The following ABLIM2 variants were observed in gnomAD, a reference collection of about 807,000 sequenced individuals.
The protein encoded by ABLIM2 is actin binding LIM protein family member 2, also known as actin-binding LIM protein 2.
Under a neutral mutation model 97.7 loss-of-function variants are expected in ABLIM2, and 53 were observed. The ratio of observed to expected loss-of-function variants is 0.54; its 90% CI spans 0.44 to 0.68. ABLIM2 has a LOEUF of 0.68. Ranked by LOEUF, ABLIM2 falls within the 30% of genes least tolerant of loss-of-function variation. The pLI is 0.00. For synonymous variants in ABLIM2, 361 were observed against 345.8 expected, an observed-to-expected ratio of 1.04 and a Z score of -0.49; for missense variants, 835 against 867.2, an observed-to-expected ratio of 0.96 and a Z score of 0.47.
At chr4:8,007,865 A>T in intron 16 of ABLIM2, 194 bp downstream of exon 16, 1 of 1,385,556 alleles carries the variant, frequency 7.2e-7, no homozygotes, top group Non-Finnish European at 9.3e-7. Context: ...TGGCTCGGGG[A>T]CAGTTCTTGG....
At chr4:8,105,502 G>A (rs1836899641) in intron 2 of ABLIM2, among the ~76,000 whole-genome samples, 1 of 152,224 alleles carries the variant, frequency 6.6e-6, no homozygotes, top group African/African-American at 2.4e-5. Context: ...GCCGTGCAAC[G>A]CCTGATGAAA....
Position 8,046,008 on chromosome 4 carries a change from C to A in ABLIM2, c.823-767G>T, listed in dbSNP as rs994515371. Among the ~76,000 whole-genome samples, 1 of 152,186 alleles carries A rather than the reference C, an allele frequency of 6.6e-6. No homozygotes were observed. The highest frequency in any genetic ancestry group is 1.5e-5 in the Non-Finnish European group (1 of 68,026). On this transcript the variant is annotated intron_variant, in intron 8 of 20. Transcript: ENST00000447017. The surrounding 1 kb of genome is among the most constrained non-coding windows in gnomAD (Gnocchi z 4.4). ...CAAGCCTTTCTCAGCTCAAAGAGCA[C>A]CTGCTCCCACCTGACACACAACTTA...
chr4:8,088,684 G>A (rs1577500658), intron 3 of ABLIM2, among the ~76,000 whole-genome samples: 2 of 152,376 alleles, frequency 1.3e-5, no homozygotes, highest in East Asian at 1.9e-4. Context: ...AAGGACAGCA[G>A]CTATGTACAC....
intron 10 of ABLIM2, among the ~76,000 whole-genome samples, chr4:8,034,466 C>T (rs1024650793): frequency 1.1e-5 from 1 of 92,522 alleles, no homozygotes. Context: ...TAGGTAGGTG[C>T]TGGTGGGTGG....
In ABLIM2 at chr4:8,067,202, A is replaced by C. The variant is rs868094737; in HGVS notation, c.676-6148T>G. ...ATGGGCCATGGGGACAATCGGGGAC[A>C]TTTGTGGCTGAGCCCCTGCAGGTCC... is the stretch of plus-strand genomic sequence containing the variant. On this transcript the variant is annotated intron_variant, in intron 6 of 20. Coordinates refer to ENST00000447017, the MANE Select transcript of ABLIM2 (RefSeq NM_001130083.2). The surrounding 1 kb of genome is among the most constrained non-coding windows in gnomAD (Gnocchi z 5.4). The C allele has an allele frequency of 6.6e-6, 1 of 152,250 alleles. No homozygotes were observed. Among genetic ancestry groups the C allele is most frequent in the Non-Finnish European group, 1.5e-5 (1 of 68,074 alleles). The allele number at this position is 152,250 out of a possible 1,614,324, so 9.4% of individuals were successfully genotyped here.
Position 8,034,271 on chromosome 4 carries a change from G to C in ABLIM2, c.1047+1878C>G, listed in dbSNP as rs545653265. 2.6e-5 allele frequency among the ~76,000 whole-genome samples: 4 copies of C among 151,064 alleles called. No homozygotes were observed. In the East Asian group the frequency reaches 8.0e-4, roughly 30 times the overall value. On this transcript the variant is annotated intron_variant, in intron 10 of 20. Transcript: ENST00000447017. ...GGGTACAGGTGGGTGCAGTGGGTGG[G>C]TGCAGGTGAGTGCAGGTAGATGGGT...
intron 1 of ABLIM2, among the ~76,000 whole-genome samples, chr4:8,137,146 G>A (rs1850301647): frequency 6.6e-6 from 1 of 152,198 alleles, no homozygotes; most frequent in African/African-American, 2.4e-5. Flanking sequence ...AGCCGCCCAG[G>A]CTGTGGTATT....
intron 3 of ABLIM2, among the ~76,000 whole-genome samples, chr4:8,089,403 A>G (rs1008077020): frequency 1.3e-5 from 2 of 152,188 alleles, no homozygotes; most frequent in African/African-American, 4.8e-5. Flanking sequence ...CTTTTCAGGC[A>G]GAAGCCCGTG....
rs1027986361 is a variant in ABLIM2 at position 7,996,713 on chromosome 4, G to C, written c.1619-3786C>G. Among the ~76,000 whole-genome samples, 3 of 152,092 alleles carry C rather than the reference G, an allele frequency of 2.0e-5. No individual in the cohort carries two copies. Among genetic ancestry groups the C allele is most frequent in the Non-Finnish European group, 4.4e-5 (3 of 68,034 alleles). On this transcript the variant is annotated intron_variant, in intron 16 of 20. Coordinates refer to ENST00000447017, the MANE Select transcript of ABLIM2 (RefSeq NM_001130083.2). The surrounding 1 kb of genome is among the most constrained non-coding windows in gnomAD (Gnocchi z 4.5). ...CTTCTTCTATTATCATTTCCTTTCT[G>C]TTTGGAGAAGATTCCTTACGGGTAG...
Position 8,027,646 on chromosome 4 carries a change from G to A in ABLIM2, c.1267+113C>T, listed in dbSNP as rs1579055886. 4 of 761,214 alleles carry A rather than the reference G, an allele frequency of 5.3e-6. No individual in the cohort carries two copies. In the East Asian group the frequency reaches 1.3e-4, roughly 25 times the overall value. The allele number at this position is 761,214 out of a possible 1,614,324, so 47.2% of individuals were successfully genotyped here. On this transcript the variant is annotated intron_variant, in intron 12 of 20. Transcript: ENST00000447017. Reference sequence around the variant, plus strand: ...AAGACACACACAGAGAGGGGCACAGGGCATGAAACAGGGGCTCCGGTGAAG... The same window carrying A: ...AAGACACACACAGAGAGGGGCACAGAGCATGAAACAGGGGCTCCGGTGAAG...
chr4:8,041,422 T>A (rs566365979), intron 9 of ABLIM2: 1 of 152,264 alleles, frequency 6.6e-6, no homozygotes. Context: ...CAGCAGGGTC[T>A]CCTGGAAAAA....
intron 7 of ABLIM2, among the ~76,000 whole-genome samples, chr4:8,057,819 A>C (rs1255689954): frequency 6.6e-6 from 1 of 152,166 alleles, no homozygotes; most frequent in African/African-American, 2.4e-5. Flanking sequence ...CCTTTATTGC[A>C]GCAGGATTTG....
intron 9 of ABLIM2, among the ~76,000 whole-genome samples, chr4:8,039,874 G>GTTTTTTTTTTTTTT (rs397947626): frequency 9.2e-6 from 1 of 108,630 alleles, no homozygotes; most frequent in African/African-American, 3.4e-5. Flanking sequence ...GCTGATTACT[G>GTTTTTTTTTTTTTT]TTTTTTTTTT....
At chr4:8,145,018 C>G (rs1851564437) in intron 1 of ABLIM2, among the ~76,000 whole-genome samples, 1 of 152,050 alleles carries the variant, frequency 6.6e-6, no homozygotes. Flanking sequence ...CCATCTTTAC[C>G]AGCCGTGTGA....
intron 10 of ABLIM2, among the ~76,000 whole-genome samples, chr4:8,030,601 C>A (rs925770039): frequency 6.6e-6 from 1 of 152,204 alleles, no homozygotes; most frequent in Non-Finnish European, 1.5e-5. Flanking sequence ...CACCTCCATG[C>A]GCTCAGGCCA....
At position 7,980,941 on chromosome 4, in the gene ABLIM2, A is replaced by ATCTTTTTTTTTT. The variant is rs1483414043; in HGVS notation, c.1824+2322_1824+2323insAAAAAAAAAAGA. ...AGAACCATGGTCTCCACAACCCCTTATTTTTTTTTTTTTTTTTTTTGAGAT... is the reference window on the plus strand; with the variant it reads ...AGAACCATGGTCTCCACAACCCCTTATCTTTTTTTTTTTTTTTTTTTTTTTTTTTTTTGAGAT... On this transcript the variant is annotated intron_variant, in intron 20 of 20. Transcript: ENST00000447017. Among the ~76,000 whole-genome samples, 172 of 82,960 alleles carry ATCTTTTTTTTTT rather than the reference A, an allele frequency of 2.1e-3. 14 individuals are homozygous for ATCTTTTTTTTTT. The highest frequency in any genetic ancestry group is 2.4e-3 in the Non-Finnish European group (113 of 48,014). 54.4% of individuals were successfully genotyped at this position (82,960 alleles called of 152,430 possible).
At chr4:8,108,835 C>T (rs1476180265) in intron 1 of ABLIM2, among the ~76,000 whole-genome samples, 4 of 152,256 alleles carry the variant, frequency 2.6e-5, no homozygotes, top group Non-Finnish European at 5.9e-5. Context: ...CTCACGTCTT[C>T]CTTTATTTCC....
chr4:8,098,620 C>T (rs1378267071), intron 2 of ABLIM2, among the ~76,000 whole-genome samples: 1 of 152,180 alleles, frequency 6.6e-6, no homozygotes, highest in Non-Finnish European at 1.5e-5. Context: ...GTCAACCGAG[C>T]AGCTTAGATT....
At chr4:7,980,447 G>T (rs537090476) in intron 20 of ABLIM2, among the ~76,000 whole-genome samples, 1 of 152,246 alleles carries the variant, frequency 6.6e-6, no homozygotes, top group East Asian at 1.9e-4. Context: ...AGGCATAGTG[G>T]CTCACACCTG....
Sources: allele counts gnomAD v4.1 joint callset (sites outside exome capture counted in the v4.1 genomes callset), GRCh38; gene constraint gnomAD v4.1.1; non-coding constraint Gnocchi (gnomAD v3.1); transcripts MANE v1.5; gene names NCBI Gene and HGNC (gene_info 2026-07-23, HGNC 2026-07-21).